The following PRKN variants were observed in gnomAD, a reference collection of about 807,000 sequenced individuals.
The protein encoded by PRKN is E3 ubiquitin-protein ligase parkin.
PRKN carries 56 observed loss-of-function variants against 59.5 expected under a neutral mutation model. The ratio of observed to expected loss-of-function variants is 0.94; its 90% CI spans 0.76 to 1.18. The LOEUF (loss-of-function observed/expected upper bound fraction) is 1.18. Among genes scored for constraint, PRKN ranks in the 50% most tolerant of loss-of-function variants. The pLI is 0.00. For synonymous variants in PRKN, 250 were observed against 222.1 expected (o/e 1.13, Z -1.12); for missense variants, 657 against 596.4 (o/e 1.10, Z -1.06).
chr6:162,200,011 A>G (rs992951784), intron 4 of PRKN, among the ~76,000 whole-genome samples: 3 of 152,106 alleles, frequency 2.0e-5, no homozygotes, highest in African/African-American at 7.2e-5. Context: ...CCTCAGCATG[A>G]ACTGTCCTCA....
intron 2 of PRKN, among the ~76,000 whole-genome samples, chr6:162,436,660 A>T (rs928068370): frequency 8.2e-6 from 1 of 121,704 alleles, no homozygotes; most frequent in Non-Finnish European, 1.7e-5. Flanking sequence ...AATCAATTTA[A>T]AAACTATGTA....
intron 1 of PRKN, among the ~76,000 whole-genome samples, chr6:162,724,439 A>G (rs933575210): frequency 1.3e-5 from 2 of 152,216 alleles, no homozygotes; most frequent in South Asian, 2.1e-4. Flanking sequence ...AGGAAGGTAC[A>G]TGTCATTAGC....
At position 161,801,143 on chromosome 6, in the gene PRKN, G is replaced by T. The variant is rs138510317; in HGVS notation, c.735-15235C>A. Among the ~76,000 whole-genome samples, 16 of 152,284 alleles carry T rather than the reference G, an allele frequency of 1.1e-4. No individual in the cohort carries two copies. In the East Asian group the frequency reaches 3.1e-3, roughly 29 times the overall value. On this transcript the variant is annotated intron_variant, in intron 6 of 11. Transcript: ENST00000366898. ...AAACACCCACTGTCCACAGCCCACC[G>T]GTGACGGAGCAGGCACCAGAGCCAG...
At chr6:161,421,451 G>A (rs1321473423) in intron 9 of PRKN, among the ~76,000 whole-genome samples, 1 of 152,174 alleles carries the variant, frequency 6.6e-6, no homozygotes, top group African/African-American at 2.4e-5. Context: ...CTGAGTTCAT[G>A]CAGAAATCAC....
chr6:162,291,421 G>A (rs1374740758), intron 2 of PRKN, among the ~76,000 whole-genome samples: 1 of 151,944 alleles, frequency 6.6e-6, no homozygotes, highest in Non-Finnish European at 1.5e-5. Context: ...GGGGGGGAAG[G>A]GACATCGCAG....
chr6:161,665,886 C>T (rs1356767591), intron 7 of PRKN, among the ~76,000 whole-genome samples: 2 of 152,138 alleles, frequency 1.3e-5, no homozygotes, highest in African/African-American at 4.8e-5. Flanking sequence ...ATATTAGGGC[C>T]CTCTGTCTTG....
intron 1 of PRKN, among the ~76,000 whole-genome samples, chr6:162,721,208 C>T (rs1204299903): frequency 3.9e-5 from 6 of 152,132 alleles, no homozygotes; most frequent in African/African-American, 1.2e-4. Flanking sequence ...AGTTTATAAA[C>T]GCTTGTTCTC....
At chr6:162,591,562 A>G (rs1781309054) in intron 1 of PRKN, among the ~76,000 whole-genome samples, 1 of 152,160 alleles carries the variant, frequency 6.6e-6, no homozygotes, top group African/African-American at 2.4e-5. Context: ...AAATGGACTC[A>G]TGTTCATCTC....
intron 7 of PRKN, among the ~76,000 whole-genome samples, chr6:161,620,157 A>ATTT (rs1226074668): frequency 7.4e-6 from 1 of 135,658 alleles, no homozygotes; most frequent in Non-Finnish European, 1.6e-5. Flanking sequence ...TGCCCAGCTA[A>ATTT]TTTTTTTTTT....
In PRKN at chr6:161,471,917, C is replaced by A. The variant is rs1043385750; in HGVS notation, c.1083+76937G>T. ...TTTCTTTTGCTATGTGGTGGCAAGA[C>A]CTCACCTGGAATCTGTTTAATTTCA... On this transcript the variant is annotated intron_variant, in intron 9 of 11. Transcript: ENST00000366898. The surrounding 1 kb of genome is among the most constrained non-coding windows in gnomAD (Gnocchi z 4.5). Among the ~76,000 whole-genome samples the A allele has an allele frequency of 3.3e-5, 5 of 151,966 alleles. No individual in the cohort carries two copies. The highest frequency in any genetic ancestry group is 1.2e-4 in the African/African-American group (5 of 41,368).
intron 6 of PRKN, among the ~76,000 whole-genome samples, chr6:161,874,188 A>T (rs1399635942): frequency 9.2e-5 from 6 of 65,496 alleles, no homozygotes; most frequent in Non-Finnish European, 1.5e-4. Context: ...ATTATATATA[A>T]TATATAATAT....
At chr6:162,243,976 T>A (rs1320039343) in intron 3 of PRKN, among the ~76,000 whole-genome samples, 1 of 152,050 alleles carries the variant, frequency 6.6e-6, no homozygotes, top group African/African-American at 2.4e-5. Flanking sequence ...TAAAACCAGA[T>A]AGCTCCCTTT....
At chr6:162,142,707 T>C (rs1781841332) in intron 4 of PRKN, among the ~76,000 whole-genome samples, 1 of 152,198 alleles carries the variant, frequency 6.6e-6, no homozygotes, top group Admixed American at 6.5e-5. Flanking sequence ...AGAATCAGTA[T>C]TGCTTTAGTG....
intron 1 of PRKN, among the ~76,000 whole-genome samples, chr6:162,461,635 A>G (rs2128174434): frequency 6.6e-6 from 1 of 151,888 alleles, no homozygotes; most frequent in Non-Finnish European, 1.5e-5. Flanking sequence ...AGCCTGGCCA[A>G]CATGGTGAAA....
intron 6 of PRKN, among the ~76,000 whole-genome samples, chr6:161,835,634 G>A (rs564283075): frequency 1.3e-4 from 20 of 152,322 alleles, no homozygotes; most frequent in African/African-American, 3.6e-4. Flanking sequence ...AGGCGGCACC[G>A]GCTTATCCAC....
chr6:161,838,558 GGCCTCA>G (rs1459123729), intron 6 of PRKN, among the ~76,000 whole-genome samples: 6 of 152,214 alleles, frequency 3.9e-5, no homozygotes, highest in Non-Finnish European at 8.8e-5. Context: ...AAAGTGTTCA[GGCCTCA>G]GCCTGGATGT....
chr6:161,514,142 C>G (rs1423972452), intron 9 of PRKN, among the ~76,000 whole-genome samples: 1 of 151,504 alleles, frequency 6.6e-6, no homozygotes, highest in African/African-American at 2.4e-5. Flanking sequence ...ATTTAAAGAA[C>G]AAATGACTGA....
chr6:162,235,969 GAAA>G (rs1778668245), intron 3 of PRKN, among the ~76,000 whole-genome samples: 1 of 76,620 alleles, frequency 1.3e-5, no homozygotes, highest in Non-Finnish European at 2.6e-5. Context: ...AAGAAAGAAA[GAAA>G]GAAAGAAAGA....
At chr6:161,688,391 C>T (rs1583007636) in intron 7 of PRKN, among the ~76,000 whole-genome samples, 1 of 152,192 alleles carries the variant, frequency 6.6e-6, no homozygotes, top group African/African-American at 2.4e-5. Flanking sequence ...GGGGAAGAGC[C>T]TATGCTCTCA....
Sources: gnomAD v4.1 joint callset for allele counts (sites outside exome capture counted in the v4.1 genomes callset) on GRCh38, gnomAD v4.1.1 for gene constraint, Gnocchi (gnomAD v3.1) non-coding constraint, MANE v1.5 for transcripts, NCBI Gene and HGNC (gene_info 2026-07-23, HGNC 2026-07-21) for gene names.